PAPPA2: variants seen among roughly 807,000 people sequenced by gnomAD.
The protein encoded by PAPPA2 is pappalysin 2, also known as pappalysin-2.
Under a neutral mutation model 176.4 loss-of-function variants are expected in PAPPA2, and 86 were observed. The ratio of observed to expected loss-of-function variants is 0.49; its 90% CI spans 0.41 to 0.58. The LOEUF (loss-of-function observed/expected upper bound fraction) is 0.58, where lower values mean the gene tolerates loss of function less well. PAPPA2 is among the 20% of genes least tolerant of loss of function. The pLI is 0.00. For missense variants in PAPPA2, 2,073 were observed against 2,256.9 expected (o/e 0.92, Z 1.65); for synonymous variants, 809 against 852.2 (o/e 0.95, Z 0.88).
intron 4 of PAPPA2, among the ~76,000 whole-genome samples, chr1:176,681,577 G>A (rs1659588388): frequency 6.6e-6 from 1 of 152,148 alleles, no homozygotes; most frequent in Admixed American, 6.5e-5. Flanking sequence ...GCATGAGGAA[G>A]AATGTCCGGC....
At chr1:176,730,994 T>C (rs940809503) in intron 12 of PAPPA2, among the ~76,000 whole-genome samples, 1 of 152,032 alleles carries the variant, frequency 6.6e-6, no homozygotes, top group Non-Finnish European at 1.5e-5. Context: ...ACTTAAATAG[T>C]GAGTCTTTAT....
intron 14 of PAPPA2, among the ~76,000 whole-genome samples, chr1:176,758,576 G>T (rs1345319796): frequency 6.6e-6 from 1 of 152,068 alleles, no homozygotes; most frequent in Non-Finnish European, 1.5e-5. Flanking sequence ...ATTTGCATAA[G>T]AATCAATACA....
chr1:176,558,673 A>G (rs1370292772), intron 2 of PAPPA2, among the ~76,000 whole-genome samples: 2 of 152,138 alleles, frequency 1.3e-5, no homozygotes, highest in African/African-American at 4.8e-5. Context: ...AAATGGAAGA[A>G]ATAATGAGAT....
Position 176,699,525 on chromosome 1 carries a change from G to A in PAPPA2, c.3172G>A (p.Asp1058Asn), listed in dbSNP as rs1353166778. 16 of 1,613,306 alleles carry A rather than the reference G, an allele frequency of 9.9e-6. No individual in the cohort carries two copies. Among genetic ancestry groups the A allele is most frequent in the Non-Finnish European group, 1.3e-5 (15 of 1,179,496 alleles). Residue 1058 changes from aspartate (D) to asparagine (N), a missense_variant, in exon 8 of 23, where the codon GAT (aspartate) becomes AAT (asparagine). Asp to Asn is a conservative substitution (Grantham distance 23). Coordinates refer to ENST00000367662, the MANE Select transcript of PAPPA2 (RefSeq NM_020318.3). Reference sequence around the variant, plus strand: ...GCCTGTGAGGTACCAGGTTCTCCGCGATCCCCCATTTGCCAGTGGTTTGCC... The same window carrying A: ...GCCTGTGAGGTACCAGGTTCTCCGCAATCCCCCATTTGCCAGTGGTTTGCC... Reference protein sequence around the residue: ...CRPVRYQVLRDPPFASGLPVV... With the variant: ...CRPVRYQVLRNPPFASGLPVV...
chr1:176,731,956 T>G (rs1662179777), intron 12 of PAPPA2, among the ~76,000 whole-genome samples: 1 of 152,122 alleles, frequency 6.6e-6, no homozygotes, highest in African/African-American at 2.4e-5. Flanking sequence ...GATAGTCAAA[T>G]TCAAGTGCCC....
rs1314782011 is a variant in PAPPA2, at chr1:176,793,576, A to G, written c.5037A>G (p.Pro1679=). 5.0e-6 allele frequency: 8 copies of G among 1,611,616 alleles called. No individual in the cohort carries two copies. Among genetic ancestry groups the G allele is most frequent in the Non-Finnish European group, 6.8e-6 (8 of 1,178,026 alleles). ...TTCTTTCAGGTGCAGTGTGTTCCCC[A>G]TTGTGTGTAATCCCCCCCAGTGACC... ...QGYGIGAVCS[P]LCVIPPSDPV... The change falls in exon 20 of 23, where the codon CCA becomes CCG. Residue 1679 remains proline (P), a synonymous_variant. Coordinates refer to ENST00000367662, the MANE Select transcript of PAPPA2 (RefSeq NM_020318.3).
At chr1:176,578,513 A>T (rs1286586254) in intron 2 of PAPPA2, among the ~76,000 whole-genome samples, 1 of 152,160 alleles carries the variant, frequency 6.6e-6, no homozygotes. Context: ...AATACAACCC[A>T]TCCTTTCTTG....
At chr1:176,558,259 A>G (rs1651444403) in intron 2 of PAPPA2, among the ~76,000 whole-genome samples, 2 of 152,182 alleles carry the variant, frequency 1.3e-5, no homozygotes, top group Non-Finnish European at 2.9e-5. Context: ...CAGTCCCATT[A>G]TATTGATGGG....
intron 3 of PAPPA2, among the ~76,000 whole-genome samples, chr1:176,666,517 G>A (rs1472103828): frequency 1.3e-5 from 2 of 149,600 alleles, no homozygotes; most frequent in Non-Finnish European, 3.0e-5. Flanking sequence ...TCATCTTGTG[G>A]GATCGGGAAA....
rs193038628 is a variant in PAPPA2 at position 176,740,530 on chromosome 1, A to G, written c.4151+334A>G. On this transcript the variant is annotated intron_variant, in intron 14 of 22. Coordinates refer to ENST00000367662, the MANE Select transcript of PAPPA2 (RefSeq NM_020318.3). The stretch of plus-strand genomic sequence containing the variant: ...CCAAAAATTCTCTGCCAAAAACTCA[A>G]TGTTCCTTAAGCAATGTATATTTTT... Among the ~76,000 whole-genome samples the G allele has an allele frequency of 1.3e-3, 193 of 152,322 alleles. 1 individual carries two copies. The highest frequency in any genetic ancestry group is 4.2e-3 in the African/African-American group (176 of 41,580).
chr1:176,507,246 C>T (rs903267240), intron 1 of PAPPA2, among the ~76,000 whole-genome samples: 3 of 152,104 alleles, frequency 2.0e-5, no homozygotes, highest in African/African-American at 7.2e-5. Flanking sequence ...GATACCATCT[C>T]ACAGCAGTCA....
intron 14 of PAPPA2, among the ~76,000 whole-genome samples, chr1:176,757,490 C>T (rs1224313904): frequency 6.6e-6 from 1 of 152,180 alleles, no homozygotes; most frequent in Non-Finnish European, 1.5e-5. Context: ...TGTCTGTTGG[C>T]TGCATAAATG....
At chr1:176,841,017 C>T (rs1426399101) in intron 22 of PAPPA2, among the ~76,000 whole-genome samples, 6 of 152,204 alleles carry the variant, frequency 3.9e-5, no homozygotes, top group East Asian at 3.8e-4. Context: ...ATCTCTCACT[C>T]GCTAATGTTT....
rs773910202 is a variant in PAPPA2, at chr1:176,595,368, C to T, written c.1764C>T (p.Pro588=). 6.2e-7 allele frequency: 1 copy of T among 1,614,184 alleles called. No individual in the cohort carries two copies. Among genetic ancestry groups the T allele is most frequent in the East Asian group, 2.2e-5 (1 of 44,874 alleles). The change falls in exon 3 of 23, where the codon CCC becomes CCT. Residue 588 remains proline, a synonymous_variant. Transcript: ENST00000367662. ...GGGTTGTGCTTGTGAACTGTGAGCC[C>T]AGCAAGATTGGCAATGACCATTGTG... is the stretch of plus-strand genomic sequence containing the variant. ...RHRVVLVNCE[P]SKIGNDHCDP... is the part of the protein sequence containing the mutation.
At chr1:176,583,908 A>G (rs1283550719) in intron 2 of PAPPA2, among the ~76,000 whole-genome samples, 1 of 152,190 alleles carries the variant, frequency 6.6e-6, no homozygotes, top group Non-Finnish European at 1.5e-5. Flanking sequence ...TTAAAAAATT[A>G]GGTAGATGTG....
intron 8 of PAPPA2, among the ~76,000 whole-genome samples, chr1:176,700,413 G>A (rs932291547): frequency 6.6e-6 from 1 of 152,236 alleles, no homozygotes; most frequent in Non-Finnish European, 1.5e-5. Flanking sequence ...CATCACAAAA[G>A]GTAGTGGGTT....
chr1:176,618,420 T>C (rs142310179), intron 3 of PAPPA2, among the ~76,000 whole-genome samples: 45 of 152,330 alleles, frequency 3.0e-4, no homozygotes, highest in African/African-American at 9.9e-4. Context: ...AAAGACTTAA[T>C]TGTATTTCAG....
At chr1:176,598,909 C>T (rs1292635337) in intron 3 of PAPPA2, among the ~76,000 whole-genome samples, 6 of 152,112 alleles carry the variant, frequency 3.9e-5, no homozygotes, top group South Asian at 2.1e-4. Flanking sequence ...TCTTAATTTA[C>T]TACCTTATTT....
At chr1:176,528,345 CTTTCT>C (rs1649607617) in intron 1 of PAPPA2, among the ~76,000 whole-genome samples, 1 of 152,178 alleles carries the variant, frequency 6.6e-6, no homozygotes, top group African/African-American at 2.4e-5. Context: ...ACATTTCTTG[CTTTCT>C]TTTGGAGATC....
Sources: allele counts gnomAD v4.1 joint callset (sites outside exome capture counted in the v4.1 genomes callset), GRCh38; gene constraint gnomAD v4.1.1; transcripts MANE v1.5; gene names NCBI Gene and HGNC (gene_info 2026-07-23, HGNC 2026-07-21).